Variants in HPSE2 observed in about 807,000 individuals in gnomAD.
HPSE2 encodes the protein heparanase 2 (inactive).
A neutral mutation model predicts 60.5 loss-of-function variants in HPSE2; 38 were observed. The observed-to-expected ratio is 0.63, with a 90% CI of 0.48 to 0.82. The LOEUF (loss-of-function observed/expected upper bound fraction) is 0.82. Ranked by LOEUF, HPSE2 falls within the 40% of genes least tolerant of loss-of-function variation. The pLI, the probability that HPSE2 is intolerant of heterozygous loss-of-function variation, is 0.00. For missense variants in HPSE2, 713 were observed against 740.4 expected (o/e 0.96, Z 0.43); for synonymous variants, 295 against 293.2 (o/e 1.01, Z -0.06).
Position 99,011,564 on chromosome 10 carries a change from T to C in HPSE2, c.610+132674A>G, listed in dbSNP as rs530631660. On this transcript the variant is annotated intron_variant, in intron 3 of 11. Coordinates refer to ENST00000370552, the MANE Select transcript of HPSE2 (RefSeq NM_021828.5). Reference sequence around the variant, plus strand: ...CGACGTCAAGAGATAGAGACCATCCTAGCCAACGTCGTGAAACCCCATCTC... The same window carrying C: ...CGACGTCAAGAGATAGAGACCATCCCAGCCAACGTCGTGAAACCCCATCTC... Among the ~76,000 whole-genome samples the C allele has an allele frequency of 9.5e-4, 145 of 152,068 alleles. 1 individual carries two copies. The highest frequency in any genetic ancestry group is 3.2e-3 in the African/African-American group (133 of 41,488).
intron 3 of HPSE2, among the ~76,000 whole-genome samples, chr10:98,910,483 T>A (rs1953949668): frequency 6.6e-6 from 1 of 152,238 alleles, no homozygotes; most frequent in South Asian, 2.1e-4. Context: ...TTTGTTGAAC[T>A]GTGCATATGT....
chr10:98,596,472 C>T (rs1287550357), intron 9 of HPSE2, among the ~76,000 whole-genome samples: 1 of 148,826 alleles, frequency 6.7e-6, no homozygotes, highest in Non-Finnish European at 1.5e-5. Flanking sequence ...AATTAGCATC[C>T]TTTTTTTTTT....
At chr10:99,105,595 T>C (rs924773109) in intron 3 of HPSE2, among the ~76,000 whole-genome samples, 2 of 152,004 alleles carry the variant, frequency 1.3e-5, no homozygotes, top group Admixed American at 6.6e-5. Flanking sequence ...ATTTTCTTAA[T>C]AGTGTCTTTT....
chr10:99,061,629 T>C (rs1031928775), intron 3 of HPSE2, among the ~76,000 whole-genome samples: 1 of 152,218 alleles, frequency 6.6e-6, no homozygotes, highest in Non-Finnish European at 1.5e-5. Context: ...TTAAAGAACA[T>C]ATTCATCCTC....
intron 2 of HPSE2, among the ~76,000 whole-genome samples, chr10:99,182,517 G>A (rs1173249264): frequency 1.3e-5 from 2 of 152,090 alleles, no homozygotes; most frequent in South Asian, 2.1e-4. Flanking sequence ...ATGCTAAGCA[G>A]ATATTCAAAT....
intron 3 of HPSE2, among the ~76,000 whole-genome samples, chr10:98,755,634 A>T: frequency 6.6e-6 from 1 of 152,190 alleles, no homozygotes; most frequent in East Asian, 1.9e-4. Context: ...ACAATTTTCA[A>T]AAAAATTTTA....
chr10:99,252,396 A>G, the HPSE2 span, among the ~76,000 whole-genome samples: 1 of 152,160 alleles, frequency 6.6e-6, no homozygotes, highest in Admixed American at 6.5e-5. Context: ...CTCTTTATGG[A>G]TGATATGATT....
At position 98,726,641 on chromosome 10, in the gene HPSE2, T is replaced by C. The variant is rs1460766397; in HGVS notation, c.785-4813A>G. Among the ~76,000 whole-genome samples, 15 of 146,592 alleles carry C rather than the reference T, an allele frequency of 1.0e-4. No individual in the cohort carries two copies. In the Admixed American group the frequency reaches 1.0e-3, roughly 10 times the overall value. ...TCTAAAACTTAAAGTATAATAATAA[T>C]AATAATAATAATAATAATAATAATA... On this transcript the variant is annotated intron_variant, in intron 4 of 11. Coordinates refer to ENST00000370552, the MANE Select transcript of HPSE2 (RefSeq NM_021828.5).
At chr10:98,846,009 G>A (rs1157379421) in intron 3 of HPSE2, among the ~76,000 whole-genome samples, 2 of 152,208 alleles carry the variant, frequency 1.3e-5, no homozygotes, top group East Asian at 3.9e-4. Context: ...GGCATGTGGT[G>A]TGGGATTTCT....
At chr10:99,093,879 TCA>T (rs1430056903) in intron 3 of HPSE2, among the ~76,000 whole-genome samples, 1 of 151,170 alleles carries the variant, frequency 6.6e-6, no homozygotes, top group Non-Finnish European at 1.5e-5. Context: ...CTCTAGATAA[TCA>T]CTTTTATTTG....
At chr10:99,315,233 C>G in the HPSE2 span, among the ~76,000 whole-genome samples, 1 of 152,192 alleles carries the variant, frequency 6.6e-6, no homozygotes, top group Admixed American at 6.5e-5. Flanking sequence ...CCACAAGGTG[C>G]ATGACAGTTC....
intron 7 of HPSE2, 113 bp from the exon 8 acceptor site, chr10:98,620,821 G>T (rs1052848720): frequency 3.5e-5 from 28 of 789,008 alleles, no homozygotes; most frequent in Non-Finnish European, 6.1e-5. Context: ...TTTTCAGGGG[G>T]TCATGATTTG....
intron 9 of HPSE2, among the ~76,000 whole-genome samples, chr10:98,576,259 G>T (rs1944637039): frequency 6.6e-6 from 1 of 151,610 alleles, no homozygotes. Context: ...ATGAGAAGGC[G>T]GATTACATTT....
chr10:98,730,021 C>T (rs1949189130), intron 4 of HPSE2, among the ~76,000 whole-genome samples: 1 of 152,060 alleles, frequency 6.6e-6, no homozygotes, highest in Non-Finnish European at 1.5e-5. Context: ...ACAGAATATT[C>T]CACCCAACAA....
In HPSE2 at chr10:98,459,452, T is replaced by A. The variant is rs1013812377; in HGVS notation, c.*122A>T. ...TCTTTGGAGAGCAAGTCTGTGTTGA[T>A]TCCAGCAGGATGGGGCAGCAGGGGC... On this transcript the variant is annotated 3_prime_UTR_variant, in exon 12 of 12. Coordinates refer to ENST00000370552, the MANE Select transcript of HPSE2 (RefSeq NM_021828.5). 1.8e-6 allele frequency: 2 copies of A among 1,081,136 alleles called. No individual in the cohort carries two copies. The highest frequency in any genetic ancestry group is 1.7e-5 in the Admixed American group (1 of 58,674). 67.0% of individuals were successfully genotyped at this position (1,081,136 alleles called of 1,614,324 possible).
chr10:98,890,308 A>G (rs910717677), intron 3 of HPSE2, among the ~76,000 whole-genome samples: 4 of 152,174 alleles, frequency 2.6e-5, no homozygotes, highest in African/African-American at 9.7e-5. Context: ...GAAAAAAATA[A>G]CTGAAAAAAA....
chr10:99,185,698 C>A (rs1392029062), intron 2 of HPSE2, among the ~76,000 whole-genome samples: 1 of 151,528 alleles, frequency 6.6e-6, no homozygotes, highest in Admixed American at 6.6e-5. Context: ...GGCGTGAACC[C>A]GGGAGGCGGA....
chr10:98,941,717 TGGAAAAAACTACTTTAAA>T lies in HPSE2; in HGVS notation c.611-197679_611-197662del, dbSNP rs1442516644. On this transcript the variant is annotated intron_variant, in intron 3 of 11. Coordinates refer to ENST00000370552, the MANE Select transcript of HPSE2 (RefSeq NM_021828.5). Reference sequence around the variant, plus strand: ...CTACCAATGACTTTCTTCACAGAATTGGAAAAAACTACTTTAAAGTTCATATGGAACCAAAAAAGAGCC... The same window carrying T: ...CTACCAATGACTTTCTTCACAGAATTGTTCATATGGAACCAAAAAAGAGCC... 8.9e-5 allele frequency among the ~76,000 whole-genome samples: 12 copies of T among 135,458 alleles called. 2 individuals carry two copies. The highest frequency in any genetic ancestry group is 3.8e-4 in the African/African-American group (12 of 31,600). 88.9% of individuals were successfully genotyped at this position (135,458 alleles called of 152,430 possible). A position where few individuals can be genotyped will look rare whatever the true frequency, so the allele number is the denominator to read the frequency against.
At chr10:98,678,627 T>C (rs1947707004) in intron 6 of HPSE2, among the ~76,000 whole-genome samples, 1 of 152,048 alleles carries the variant, frequency 6.6e-6, no homozygotes, top group South Asian at 2.1e-4. Flanking sequence ...GATGTCTGGA[T>C]CACACAGCCA....
Sources: allele counts gnomAD v4.1 joint callset (sites outside exome capture counted in the v4.1 genomes callset), GRCh38; gene constraint gnomAD v4.1.1; transcripts MANE v1.5; gene names NCBI Gene and HGNC (gene_info 2026-07-23, HGNC 2026-07-21).